DHX30: variants seen among roughly 807,000 people sequenced by gnomAD.
DHX30 encodes DExH-box helicase 30, also known as ATP-dependent RNA helicase DHX30.
A neutral mutation model predicts 116.9 loss-of-function variants in DHX30; 4 were observed. That is an observed-to-expected ratio of 0.03 (90% CI 0.02 to 0.08). DHX30 has a LOEUF of 0.08. Ranked by LOEUF, DHX30 falls within the 10% of genes least tolerant of loss-of-function variation. DHX30 has a pLI of 1.00. For missense variants in DHX30, 871 were observed against 1,595.1 expected, an observed-to-expected ratio of 0.55 and a Z score of 7.73; for synonymous variants, 697 against 651.7, an observed-to-expected ratio of 1.07 and a Z score of -1.06.
chr3:47,848,682 C>T lies in DHX30; in HGVS notation c.2634C>T (p.Ser878=), dbSNP rs768933108. The T allele has an allele frequency of 1.2e-6, 2 of 1,614,176 alleles. No homozygotes were observed. The highest frequency in any genetic ancestry group is 1.7e-6 in the Non-Finnish European group (2 of 1,180,016). ...TGGGGCAGCGCCTGGCTCACATCTCCACCGACCCCCGGTTGGCCAAGGCCA... is the reference window on the plus strand; with the variant it reads ...TGGGGCAGCGCCTGGCTCACATCTCTACCGACCCCCGGTTGGCCAAGGCCA... ...TTLGQRLAHI[S]TDPRLAKAIV... is the part of the protein sequence containing the mutation. The change falls in exon 17 of 22, where the codon TCC becomes TCT. Residue 878 remains serine, a synonymous_variant. Coordinates refer to ENST00000445061, the MANE Select transcript of DHX30 (RefSeq NM_138615.3). The surrounding 1 kb of genome is among the most constrained non-coding windows in gnomAD (Gnocchi z 9.4).
chr3:47,828,720 A>G (rs1430262358), intron 5 of DHX30, among the ~76,000 whole-genome samples: 1 of 121,806 alleles, frequency 8.2e-6, no homozygotes, highest in Non-Finnish European at 1.9e-5. Context: ...GCAACAGTGC[A>G]AGACTCTGTC....
chr3:47,829,314 A>T (rs79336823), intron 6 of DHX30, among the ~76,000 whole-genome samples, 180 bp downstream of exon 6: 2,557 of 34,174 alleles, frequency 0.075, 256 homozygotes, highest in Non-Finnish European at 0.087. Context: ...ATATATATAT[A>T]TTTTTTTTTT....
At position 47,848,879 on chromosome 3, in the gene DHX30, G is replaced by A; in HGVS notation, c.2770-41G>A. 1 of 1,597,590 alleles carries A rather than the reference G, an allele frequency of 6.3e-7. No homozygotes were observed. Among genetic ancestry groups the A allele is most frequent in the Non-Finnish European group, 8.6e-7 (1 of 1,168,044 alleles). ...TGCTGTTCTGAGGGGGCGTTGTCTAGCCCCTGCCTGTGATCCGGCTGCCCT... is the reference window on the plus strand; with the variant it reads ...TGCTGTTCTGAGGGGGCGTTGTCTAACCCCTGCCTGTGATCCGGCTGCCCT... On this transcript the variant is annotated intron_variant, in intron 17 of 21. Transcript: ENST00000445061. This position sits in a 1 kb window ranked among gnomAD's most constrained non-coding sequence, Gnocchi z 9.4.
At chr3:47,821,536 T>G (rs964304301) in intron 4 of DHX30, among the ~76,000 whole-genome samples, 4 of 152,180 alleles carry the variant, frequency 2.6e-5, no homozygotes, top group Non-Finnish European at 1.5e-5. Context: ...CCCAAAGTGT[T>G]GGGATTACAG....
At chr3:47,816,077 C>T in intron 3 of DHX30, 3 of 985,156 alleles carry the variant, frequency 3.0e-6, no homozygotes, top group Non-Finnish European at 3.6e-6. Flanking sequence ...AAACCTTGAT[C>T]CTAGGCATTT....
intron 5 of DHX30, 96 bp downstream of exon 5, chr3:47,827,573 G>T: frequency 6.8e-7 from 1 of 1,475,198 alleles, no homozygotes; most frequent in Non-Finnish European, 9.1e-7. Flanking sequence ...GGAGGCCATA[G>T]AATGGGTTTC....
At chr3:47,828,990 G>T in intron 5 of DHX30, 34 bp from the exon 6 acceptor site, 2 of 1,401,340 alleles carry the variant, frequency 1.4e-6, no homozygotes, top group East Asian at 2.3e-5. Context: ...GTCTGGAGTG[G>T]CAAGACTTCT....
intron 1 of DHX30, among the ~76,000 whole-genome samples, chr3:47,803,736 G>A (rs893222811): frequency 6.6e-6 from 1 of 152,240 alleles, no homozygotes; most frequent in Non-Finnish European, 1.5e-5. Context: ...AAGGGGTGAG[G>A]TATTCTTTGT....
intron 3 of DHX30, 34 bp downstream of exon 3, chr3:47,810,745 C>T (rs764859175): frequency 1.2e-6 from 2 of 1,609,152 alleles, no homozygotes; most frequent in Admixed American, 3.3e-5. Flanking sequence ...ACCTCATGCC[C>T]TTCCTTATTG....
In DHX30 at chr3:47,848,914, T is replaced by A. The variant is rs1168925728; in HGVS notation, c.2770-6T>A. 3.1e-6 allele frequency: 5 copies of A among 1,599,852 alleles called. No individual in the cohort carries two copies. The African/African-American group carries it at 5.4e-5, about 17-fold the overall frequency. On this transcript the variant is annotated splice_polypyrimidine_tract_variant and splice_region_variant and intron_variant, in intron 17 of 21. Transcript: ENST00000445061. The surrounding 1 kb of genome is among the most constrained non-coding windows in gnomAD (Gnocchi z 9.4). ...GTGATCCGGCTGCCCTCTTCTCCCC[T>A]CCCAGGTGAAAGCACTGTTGAGCCA...
At position 47,816,168 on chromosome 3, in the gene DHX30, GA is replaced by G. The variant is rs977811187; in HGVS notation, c.29-1847del. On this transcript the variant is annotated intron_variant, in intron 3 of 21. Transcript: ENST00000445061. ...AAATCACATACCTATAAAATAAAAA[GA>G]AAAAAATCACACATCTATAATATTA... The G allele has an allele frequency of 1.1e-4, 108 of 978,306 alleles. 1 individual carries two copies. Among genetic ancestry groups the G allele is most frequent in the Admixed American group, 2.5e-4 (4 of 16,200 alleles). The allele number at this position is 978,306 out of a possible 1,614,324, so 60.6% of individuals were successfully genotyped here.
chr3:47,834,513 A>C (rs2107071314), intron 6 of DHX30, among the ~76,000 whole-genome samples: 1 of 152,274 alleles, frequency 6.6e-6, no homozygotes, highest in South Asian at 2.1e-4. Context: ...TCTGTGGCCT[A>C]GGCTGGAATG....
intron 6 of DHX30, among the ~76,000 whole-genome samples, chr3:47,839,908 C>T (rs1327729274): frequency 6.6e-6 from 1 of 152,056 alleles, no homozygotes; most frequent in African/African-American, 2.4e-5. Flanking sequence ...CTCCTGACCT[C>T]GAGTAGTCCA....
chr3:47,806,257 C>T (rs1302064142), intron 2 of DHX30, among the ~76,000 whole-genome samples: 16 of 146,402 alleles, frequency 1.1e-4, no homozygotes, highest in Middle Eastern at 3.8e-3. Context: ...GATTCTCCTG[C>T]CTCAGCCTCC....
At chr3:47,825,357 A>C (rs1343434083) in intron 4 of DHX30, 3 of 528,700 alleles carry the variant, frequency 5.7e-6, no homozygotes, top group Non-Finnish European at 6.6e-6. Context: ...CCTCTCTTCC[A>C]TAGTGGCCAA....
chr3:47,823,311 A>G (rs1425179543), intron 4 of DHX30, among the ~76,000 whole-genome samples: 1 of 151,268 alleles, frequency 6.6e-6, no homozygotes, highest in Admixed American at 6.6e-5. Context: ...AACCGAGACA[A>G]AGACCCCCCT....
intron 6 of DHX30, among the ~76,000 whole-genome samples, chr3:47,835,314 G>C (rs1364453429): frequency 6.6e-6 from 1 of 152,100 alleles, no homozygotes; most frequent in African/African-American, 2.4e-5. Context: ...GGGATTACAG[G>C]CATGTGCCAC....
intron 9 of DHX30, among the ~76,000 whole-genome samples, chr3:47,845,127 CT>C (rs2037545838): frequency 6.6e-6 from 1 of 152,078 alleles, no homozygotes; most frequent in Admixed American, 6.5e-5. Context: ...TCCTCAGGGC[CT>C]TCTCCAGACG....
chr3:47,803,713 A>T (rs1053995223), intron 1 of DHX30, among the ~76,000 whole-genome samples: 5 of 152,162 alleles, frequency 3.3e-5, no homozygotes, highest in Non-Finnish European at 5.9e-5. Flanking sequence ...CGACCTTGTC[A>T]CTGGGGGAGG....
Sources: allele counts gnomAD v4.1 joint callset (sites outside exome capture counted in the v4.1 genomes callset), GRCh38; gene constraint gnomAD v4.1.1; non-coding constraint Gnocchi (gnomAD v3.1); transcripts MANE v1.5; gene names NCBI Gene and HGNC (gene_info 2026-07-23, HGNC 2026-07-21).